The following SLAMF1 variants were observed in gnomAD, a reference collection of about 807,000 sequenced individuals.
SLAMF1 encodes the protein signaling lymphocytic activation molecule family member 1.
A neutral mutation model predicts 35.1 loss-of-function variants in SLAMF1; 18 were observed. The ratio of observed to expected loss-of-function variants is 0.51; its 90% CI spans 0.35 to 0.76. The LOEUF is 0.76. Among genes scored for constraint, SLAMF1 ranks in the 30% least tolerant of loss-of-function variants. The pLI, the probability that SLAMF1 is intolerant of heterozygous loss-of-function variation, is 0.01. For missense variants in SLAMF1, 392 were observed against 413.0 expected, an observed-to-expected ratio of 0.95 and a Z score of 0.44; for synonymous variants, 168 against 157.2, an observed-to-expected ratio of 1.07 and a Z score of -0.51.
rs1210956938 is a variant in SLAMF1, at chr1:160,608,487, G to A, written c.*2261C>T. On this transcript the variant is annotated 3_prime_UTR_variant, in exon 7 of 7. Transcript: ENST00000302035. ...CTAGAGAGTTGTGAATGTATCACCA[G>A]AAGGGGTTGTTTTACCACGTGTAAC... 1 of 152,272 alleles carries A rather than the reference G, an allele frequency of 6.6e-6. No individual in the cohort carries two copies. Among genetic ancestry groups the A allele is most frequent in the Non-Finnish European group, 1.5e-5 (1 of 68,072 alleles). 9.4% of individuals were successfully genotyped at this position (152,272 alleles called of 1,614,324 possible).
chr1:160,629,858 C>T (rs1570991517), intron 3 of SLAMF1, among the ~76,000 whole-genome samples: 1 of 152,144 alleles, frequency 6.6e-6, no homozygotes, highest in Non-Finnish European at 1.5e-5. Context: ...ATTGTTTTTA[C>T]GCTCGCTAAA....
chr1:160,628,198 C>CT (rs1246870327), intron 3 of SLAMF1, among the ~76,000 whole-genome samples: 8 of 152,172 alleles, frequency 5.3e-5, no homozygotes, highest in East Asian at 1.9e-4. Context: ...ACCAAAAAAA[C>CT]TTTTTTTTAA....
chr1:160,639,870 C>T lies in SLAMF1; in HGVS notation c.77-2341G>A, dbSNP rs76545638. On this transcript the variant is annotated intron_variant, in intron 1 of 6. Coordinates refer to ENST00000302035, the MANE Select transcript of SLAMF1 (RefSeq NM_003037.5). ...GCCCTCCTCTTTGCTCACTGTGCTA[C>T]GGCCACACTGGCTCCTGGCTGTTTC... Among the ~76,000 whole-genome samples the T allele has an allele frequency of 3.5e-3, 529 of 152,254 alleles. 9 individuals are homozygous for T. The East Asian group carries it at 0.043, about 12-fold the overall frequency.
chr1:160,616,163 T>G (rs1659289002), intron 5 of SLAMF1, among the ~76,000 whole-genome samples: 2 of 152,208 alleles, frequency 1.3e-5, no homozygotes, highest in Admixed American at 6.5e-5. Context: ...AAAGTCTGAA[T>G]TTTTAACAGG....
intron 1 of SLAMF1, among the ~76,000 whole-genome samples, chr1:160,644,493 C>T (rs1248264261): frequency 6.6e-6 from 1 of 152,112 alleles, no homozygotes; most frequent in Non-Finnish European, 1.5e-5. Context: ...CAGTATATAC[C>T]AGTATTATTC....
intron 1 of SLAMF1, among the ~76,000 whole-genome samples, chr1:160,638,473 T>G (rs997351464): frequency 6.6e-6 from 1 of 151,626 alleles, no homozygotes; most frequent in Non-Finnish European, 1.5e-5. Context: ...CATTATCAGG[T>G]TTTTTTTTAC....
chr1:160,616,621 GC>G (rs1393604723), intron 5 of SLAMF1, among the ~76,000 whole-genome samples: 2 of 152,130 alleles, frequency 1.3e-5, no homozygotes, highest in African/African-American at 4.8e-5. Context: ...CTGCCAAAGG[GC>G]ACATATCCAA....
chr1:160,614,330 C>G (rs1200380115), intron 5 of SLAMF1, among the ~76,000 whole-genome samples: 2 of 152,148 alleles, frequency 1.3e-5, no homozygotes, highest in Non-Finnish European at 2.9e-5. Flanking sequence ...AATCCCAGCA[C>G]TTTGGGAGGC....
At chr1:160,645,712 CT>C (rs1453916986) in intron 1 of SLAMF1, among the ~76,000 whole-genome samples, 1 of 152,170 alleles carries the variant, frequency 6.6e-6, no homozygotes, top group Admixed American at 6.5e-5. Context: ...GAGCTCAGTT[CT>C]TCCTCCCCTA....
At chr1:160,639,594 C>A (rs937195434) in intron 1 of SLAMF1, among the ~76,000 whole-genome samples, 21 of 152,094 alleles carry the variant, frequency 1.4e-4, no homozygotes, top group Non-Finnish European at 2.8e-4. Flanking sequence ...GGTATCTGAA[C>A]CCTTTTCACC....
At chr1:160,615,769 C>T (rs1245787737) in intron 5 of SLAMF1, 2 of 304,494 alleles carry the variant, frequency 6.6e-6, no homozygotes, top group Non-Finnish European at 1.3e-5. Context: ...GATGACTGTC[C>T]TTATAAGAGA....
intron 6 of SLAMF1, among the ~76,000 whole-genome samples, chr1:160,611,728 C>A (rs576990975): frequency 1.3e-5 from 2 of 152,188 alleles, no homozygotes; most frequent in South Asian, 2.1e-4. Flanking sequence ...TCATTTTGAG[C>A]TGCACCCCAT....
Position 160,609,751 on chromosome 1 carries a change from T to A in SLAMF1, c.*997A>T, listed in dbSNP as rs1201525947. On this transcript the variant is annotated 3_prime_UTR_variant, in exon 7 of 7. Transcript: ENST00000302035. ...CTTAATTTTCTACTAGAGGATAAAT[T>A]TAGTGTGAGGAGAGGTATGCAGGGA... 6.6e-6 allele frequency: 1 copy of A among 152,096 alleles called. No homozygotes were observed. Among genetic ancestry groups the A allele is most frequent in the Non-Finnish European group, 1.5e-5 (1 of 68,036 alleles). 9.4% of individuals were successfully genotyped at this position (152,096 alleles called of 1,614,324 possible).
chr1:160,626,801 C>T (rs542631200), intron 3 of SLAMF1, among the ~76,000 whole-genome samples: 1 of 152,274 alleles, frequency 6.6e-6, no homozygotes, highest in African/African-American at 2.4e-5. Context: ...CCAACCCATC[C>T]TTCATCATCC....
chr1:160,644,144 A>T (rs1209109162), intron 1 of SLAMF1, among the ~76,000 whole-genome samples: 2 of 152,148 alleles, frequency 1.3e-5, no homozygotes, highest in African/African-American at 4.8e-5. Context: ...CCTTTTGGAC[A>T]TTTCTATACT....
At chr1:160,646,455 C>G (rs1203102152) in intron 1 of SLAMF1, among the ~76,000 whole-genome samples, 1 of 152,222 alleles carries the variant, frequency 6.6e-6, no homozygotes, top group African/African-American at 2.4e-5. Context: ...CACAGATTCC[C>G]TCCCAGGGCA....
intron 1 of SLAMF1, among the ~76,000 whole-genome samples, chr1:160,644,946 A>G (rs867840759): frequency 6.6e-6 from 1 of 152,156 alleles, no homozygotes; most frequent in Non-Finnish European, 1.5e-5. Flanking sequence ...CAATTATAAC[A>G]AATGTACCAT....
At chr1:160,635,685 C>T (rs1660416025) in intron 2 of SLAMF1, among the ~76,000 whole-genome samples, 1 of 151,574 alleles carries the variant, frequency 6.6e-6, no homozygotes, top group Admixed American at 6.6e-5. Context: ...CATTCTCCTG[C>T]CTCAGCCTCC....
rs164286 is a variant in SLAMF1 at position 160,634,355 on chromosome 1, G to A, written c.700+258C>T. On this transcript the variant is annotated intron_variant, in intron 3 of 6. Transcript: ENST00000302035. Reference sequence around the variant, plus strand: ...CAAGGCAAGAGGCAGAGAAGGCTACGCCTTGGAGACTTAGGCTCTGGGTCT... The same window carrying A: ...CAAGGCAAGAGGCAGAGAAGGCTACACCTTGGAGACTTAGGCTCTGGGTCT... The A allele has an allele frequency of 0.08, 77,894 of 974,448 alleles. 3,271 individuals are homozygous for A. The highest frequency in any genetic ancestry group is 0.11 in the Middle Eastern group (204 of 1,894). 60.4% of individuals were successfully genotyped at this position (974,448 alleles called of 1,614,324 possible).
Sources: allele counts gnomAD v4.1 joint callset (sites outside exome capture counted in the v4.1 genomes callset), GRCh38; gene constraint gnomAD v4.1.1; transcripts MANE v1.5; gene names NCBI Gene and HGNC (gene_info 2026-07-23, HGNC 2026-07-21).